The following CLEC16A variants were observed in gnomAD, a reference collection of about 807,000 sequenced individuals.
CLEC16A encodes protein CLEC16A.
Under a neutral mutation model 109.5 loss-of-function variants are expected in CLEC16A, and 51 were observed. The ratio of observed to expected loss-of-function variants is 0.47; its 90% CI spans 0.37 to 0.59. The LOEUF (loss-of-function observed/expected upper bound fraction) is 0.59. CLEC16A is among the 20% of genes least tolerant of loss of function. The pLI is 0.00. For missense variants in CLEC16A, 1,339 were observed against 1,394.0 expected, an observed-to-expected ratio of 0.96 and a Z score of 0.63; for synonymous variants, 673 against 564.2, an observed-to-expected ratio of 1.19 and a Z score of -2.73.
intron 10 of CLEC16A, among the ~76,000 whole-genome samples, chr16:10,996,480 G>C (rs903848420): frequency 6.6e-6 from 1 of 152,188 alleles, no homozygotes; most frequent in Non-Finnish European, 1.5e-5. Flanking sequence ...GGCTCCTCCT[G>C]GGCTCTGAGC....
intron 19 of CLEC16A, among the ~76,000 whole-genome samples, chr16:11,083,147 TGTTG>T (rs1442543424): frequency 4.8e-5 from 6 of 124,894 alleles, no homozygotes; most frequent in Middle Eastern, 4.0e-3. Flanking sequence ...TTGTTGTTGT[TGTTG>T]TTTGTTTGTT....
intron 20 of CLEC16A, among the ~76,000 whole-genome samples, chr16:11,121,299 A>G (rs573135776): frequency 4.3e-4 from 66 of 152,288 alleles, no homozygotes; most frequent in African/African-American, 1.5e-3. Context: ...GGCTATTTCC[A>G]GTTTTCTGCT....
At chr16:11,111,701 A>G (rs2153003162) in intron 19 of CLEC16A, among the ~76,000 whole-genome samples, 1 of 152,152 alleles carries the variant, frequency 6.6e-6, no homozygotes, top group African/African-American at 2.4e-5. Flanking sequence ...TGTCGTAGAA[A>G]CTCTGTAACT....
chr16:10,993,265 G>C (rs972557503), intron 10 of CLEC16A, among the ~76,000 whole-genome samples: 7 of 152,122 alleles, frequency 4.6e-5, no homozygotes, highest in Non-Finnish European at 1.0e-4. Context: ...TGTGATTCCA[G>C]CTACTCAGGA....
chr16:11,159,440 T>G (rs2054643156), intron 22 of CLEC16A, among the ~76,000 whole-genome samples: 1 of 152,192 alleles, frequency 6.6e-6, no homozygotes, highest in Non-Finnish European at 1.5e-5. Context: ...AAAAGTAGGA[T>G]CCACAGAAGT....
chr16:11,119,476 A>C (rs1032553499), intron 19 of CLEC16A, among the ~76,000 whole-genome samples: 1 of 151,956 alleles, frequency 6.6e-6, no homozygotes, highest in Non-Finnish European at 1.5e-5. Context: ...GCAGCCTTGA[A>C]CCACCCTGGG....
At chr16:11,123,525 G>A (rs1452771139) in intron 20 of CLEC16A, among the ~76,000 whole-genome samples, 1 of 152,116 alleles carries the variant, frequency 6.6e-6, no homozygotes, top group Non-Finnish European at 1.5e-5. Flanking sequence ...GCTCCTTTGG[G>A]GTACTCTGTG....
intron 19 of CLEC16A, among the ~76,000 whole-genome samples, chr16:11,114,493 G>C (rs2051834145): frequency 6.6e-6 from 1 of 152,236 alleles, no homozygotes; most frequent in African/African-American, 2.4e-5. Flanking sequence ...TACCACGACA[G>C]AGCCGTCTGC....
At position 11,145,284 on chromosome 16, in the gene CLEC16A, G is replaced by A. The variant is rs183019888; in HGVS notation, c.2641+19138G>A. On this transcript the variant is annotated intron_variant, in intron 22 of 23. Transcript: ENST00000409790. ...TCACTGATGGGGCCGGCCTTAGGGC[G>A]GGCTACCCGTGGGGCCCGATGACCC... 3.9e-5 allele frequency among the ~76,000 whole-genome samples: 6 copies of A among 152,282 alleles called. No individual in the cohort carries two copies. The East Asian group carries it at 9.6e-4, about 24-fold the overall frequency.
In CLEC16A at chr16:11,077,855, A is replaced by G. The variant is rs569979012; in HGVS notation, c.2116+16833A>G. On this transcript the variant is annotated intron_variant, in intron 19 of 23. Coordinates refer to ENST00000409790, the MANE Select transcript of CLEC16A (RefSeq NM_015226.3). ...AGAATATGGCTAGGCGCGGTGGCTCATGCCGGTAATCCCAGCACTTTGGGA... is the reference window on the plus strand; with the variant it reads ...AGAATATGGCTAGGCGCGGTGGCTCGTGCCGGTAATCCCAGCACTTTGGGA... Among the ~76,000 whole-genome samples, 8 of 152,048 alleles carry G rather than the reference A, an allele frequency of 5.3e-5. No individual in the cohort carries two copies. The South Asian group carries it at 1.7e-3, about 32-fold the overall frequency.
At chr16:11,081,796 G>A (rs1339099600) in intron 19 of CLEC16A, among the ~76,000 whole-genome samples, 1 of 152,242 alleles carries the variant, frequency 6.6e-6, no homozygotes, top group Admixed American at 6.5e-5. Context: ...GTCCGCTGCA[G>A]AACGCTAGTT....
chr16:11,003,389 A>C (rs2152753480), intron 11 of CLEC16A, 84 bp downstream of exon 11: 1 of 1,043,404 alleles, frequency 9.6e-7, no homozygotes, highest in South Asian at 1.5e-5. Flanking sequence ...CTCTCCACCC[A>C]GACTTCTGCT....
intron 19 of CLEC16A, among the ~76,000 whole-genome samples, chr16:11,088,160 G>T (rs1223957862): frequency 2.0e-5 from 3 of 152,242 alleles, no homozygotes; most frequent in Admixed American, 2.0e-4. Flanking sequence ...CCCTGTGCCA[G>T]GTGCTTGACT....
intron 22 of CLEC16A, among the ~76,000 whole-genome samples, 153 bp from the exon 23 acceptor site, chr16:11,166,235 G>C (rs962191279): frequency 1.8e-4 from 27 of 152,228 alleles, no homozygotes; most frequent in Non-Finnish European, 7.3e-5. Context: ...AATGTGGCTG[G>C]GTCAGGGCCA....
chr16:11,057,058 T>C (rs2048248983), intron 18 of CLEC16A: 2 of 152,768 alleles, frequency 1.3e-5, no homozygotes, highest in Non-Finnish European at 2.9e-5. Context: ...TGTTTTTCTT[T>C]CTTTTGAATT....
chr16:11,156,446 C>G (rs1448400084), intron 22 of CLEC16A: 3 of 341,948 alleles, frequency 8.8e-6, no homozygotes, highest in Non-Finnish European at 1.7e-5. Flanking sequence ...CCTTTGCAAG[C>G]AGGGCCATAG....
chr16:11,106,217 A>G (rs1300243634), intron 19 of CLEC16A, among the ~76,000 whole-genome samples: 1 of 152,190 alleles, frequency 6.6e-6, no homozygotes, highest in Non-Finnish European at 1.5e-5. Context: ...CAAGCATACA[A>G]CCAAGTTGAA....
chr16:10,987,415 T>C (rs571494184), intron 10 of CLEC16A, among the ~76,000 whole-genome samples: 1 of 152,280 alleles, frequency 6.6e-6, no homozygotes, highest in African/African-American at 2.4e-5. Flanking sequence ...AGGGGAAGTG[T>C]TTAGGAGATC....
At chr16:10,957,979 G>T in intron 2 of CLEC16A, 69 bp downstream of exon 2, 1 of 1,474,826 alleles carries the variant, frequency 6.8e-7, no homozygotes, top group South Asian at 1.2e-5. Flanking sequence ...TGTATACTAT[G>T]AGTCATTCTG....
Sources: allele counts gnomAD v4.1 joint callset (sites outside exome capture counted in the v4.1 genomes callset), GRCh38; gene constraint gnomAD v4.1.1; transcripts MANE v1.5; gene names NCBI Gene and HGNC (gene_info 2026-07-23, HGNC 2026-07-21).